Variants in UCHL5 observed in about 807,000 individuals in gnomAD.
The protein encoded by UCHL5 is ubiquitin carboxyl-terminal hydrolase isozyme L5.
A neutral mutation model predicts 53.8 loss-of-function variants in UCHL5; 34 were observed. That is an observed-to-expected ratio of 0.63 (90% CI 0.48 to 0.84). UCHL5 has a LOEUF of 0.84. Among genes scored for constraint, UCHL5 ranks in the 40% least tolerant of loss-of-function variants. The pLI, the probability that UCHL5 is intolerant of heterozygous loss-of-function variation, is 0.00. For synonymous variants in UCHL5, 111 were observed against 126.3 expected, an observed-to-expected ratio of 0.88 and a Z score of 0.81; for missense variants, 290 against 385.6, an observed-to-expected ratio of 0.75 and a Z score of 2.08.
rs1665882348 is a variant in UCHL5, at chr1:193,042,363, T to C, written c.246+7383A>G. 2.6e-5 allele frequency among the ~76,000 whole-genome samples: 4 copies of C among 152,290 alleles called. No individual in the cohort carries two copies. In the South Asian group the frequency reaches 8.3e-4, roughly 32 times the overall value. ...GGTAAGTTCTTAGGCACTTACTTTG[T>C]TTCTTAAAATAATCAAATAAATAAA... On this transcript the variant is annotated intron_variant, in intron 3 of 10. Transcript: ENST00000367454.
chr1:193,054,854 G>A (rs1334908658), intron 1 of UCHL5, among the ~76,000 whole-genome samples: 1 of 152,118 alleles, frequency 6.6e-6, no homozygotes, highest in Non-Finnish European at 1.5e-5. Context: ...ATAGATGATG[G>A]AATTACTCTT....
chr1:193,016,020 T>G lies in UCHL5; in HGVS notation c.*331A>C, dbSNP rs1654843115. ...AGATCTGACAATTGCAAATTTTAAG[T>G]ATTTAAATTACAGATAAGGAATATC... On this transcript the variant is annotated 3_prime_UTR_variant, in exon 11 of 11. Transcript: ENST00000367454. The G allele has an allele frequency of 4.4e-6, 1 of 227,980 alleles. No homozygotes were observed. The highest frequency in any genetic ancestry group is 8.5e-6 in the Non-Finnish European group (1 of 117,722). 14.1% of individuals were successfully genotyped at this position (227,980 alleles called of 1,614,324 possible).
upstream of UCHL5, chr1:193,059,991 C>G (rs1370216387): frequency 8.8e-6 from 12 of 1,365,976 alleles, no homozygotes; most frequent in Non-Finnish European, 1.2e-5. This position sits in a 1 kb window ranked among gnomAD's most constrained non-coding sequence, Gnocchi z 4.9. Flanking sequence ...TAGGCCCGGC[C>G]GGACCATTCC....
chr1:193,031,973 G>T (rs1422727735), intron 3 of UCHL5, among the ~76,000 whole-genome samples: 1 of 152,164 alleles, frequency 6.6e-6, no homozygotes, highest in Non-Finnish European at 1.5e-5. Flanking sequence ...AATGAGGCTA[G>T]AGCAGAGGGT....
chr1:193,057,773 C>T (rs1671124544), intron 1 of UCHL5, among the ~76,000 whole-genome samples: 1 of 152,210 alleles, frequency 6.6e-6, no homozygotes, highest in South Asian at 2.1e-4. Flanking sequence ...AACCCATATA[C>T]TTTAACATCA....
At chr1:193,033,842 A>G (rs1343108771) in intron 3 of UCHL5, among the ~76,000 whole-genome samples, 1 of 152,198 alleles carries the variant, frequency 6.6e-6, no homozygotes, top group East Asian at 1.9e-4. Context: ...AAAGCTTGGT[A>G]GGAACTAGAG....
Position 193,016,415 on chromosome 1 carries a change from T to C in UCHL5, c.943-20A>G, listed in dbSNP as rs766526270. The C allele has an allele frequency of 1.9e-6, 3 of 1,598,126 alleles. No homozygotes were observed. Among genetic ancestry groups the C allele is most frequent in the Non-Finnish European group, 2.6e-6 (3 of 1,174,420 alleles). On this transcript the variant is annotated intron_variant, in intron 10 of 10. Transcript: ENST00000367454. Reference sequence around the variant, plus strand: ...TTTTGCCTAAAAATTAAAAATAGTATGTTACAAAATTTTAAAAGTCAGTTT... The same window carrying C: ...TTTTGCCTAAAAATTAAAAATAGTACGTTACAAAATTTTAAAAGTCAGTTT...
At chr1:193,046,800 G>A (rs540866163) in intron 3 of UCHL5, among the ~76,000 whole-genome samples, 5 of 150,472 alleles carry the variant, frequency 3.3e-5, no homozygotes, top group African/African-American at 9.7e-5. Flanking sequence ...TTTATTATGT[G>A]TTGTGAAATG....
chr1:193,046,226 G>A (rs571049839), intron 3 of UCHL5, among the ~76,000 whole-genome samples: 72 of 151,444 alleles, frequency 4.8e-4, no homozygotes, highest in Admixed American at 1.5e-3. Context: ...AGACAGGGTC[G>A]CCCTATATCG....
chr1:193,045,862 A>G (rs906984587), intron 3 of UCHL5, among the ~76,000 whole-genome samples: 1 of 152,236 alleles, frequency 6.6e-6, no homozygotes, highest in Non-Finnish European at 1.5e-5. Flanking sequence ...AAATAAAAAC[A>G]TTTTTAAAAA....
intron 10 of UCHL5, 29 bp from the exon 11 acceptor site, chr1:193,016,424 AT>A (rs1654920910): frequency 1.9e-6 from 3 of 1,592,792 alleles, no homozygotes; most frequent in African/African-American, 2.7e-5. Flanking sequence ...ATGTTACAAA[AT>A]TTTAAAAGTC....
rs1054050599 is a variant in UCHL5 at position 193,043,154 on chromosome 1, A to T, written c.246+6592T>A. On this transcript the variant is annotated intron_variant, in intron 3 of 10. Coordinates refer to ENST00000367454, the MANE Select transcript of UCHL5 (RefSeq NM_001199261.3). ...AGCCTTGACAGCTCTTGAATATTAA[A>T]AAAAAAAAAAAAAAAAAAAAAACCA... is the stretch of plus-strand genomic sequence containing the variant. 1.4e-3 allele frequency among the ~76,000 whole-genome samples: 174 copies of T among 126,902 alleles called. 3 individuals are homozygous for T. Among genetic ancestry groups the T allele is most frequent in the East Asian group, 7.5e-3 (37 of 4,908 alleles). 83.3% of individuals were successfully genotyped at this position (126,902 alleles called of 152,430 possible).
At chr1:193,051,223 G>A (rs1245804583) in intron 2 of UCHL5, among the ~76,000 whole-genome samples, 2 of 152,090 alleles carry the variant, frequency 1.3e-5, no homozygotes, top group Non-Finnish European at 1.5e-5. Context: ...GGTAGTCAGG[G>A]GTAAGGAGAA....
intron 6 of UCHL5, among the ~76,000 whole-genome samples, chr1:193,028,484 A>C (rs1350531449): frequency 1.3e-5 from 2 of 152,184 alleles, no homozygotes; most frequent in Non-Finnish European, 2.9e-5. Flanking sequence ...ATAGCCTATA[A>C]CATTAGATTC....
At position 193,047,221 on chromosome 1, in the gene UCHL5, A is replaced by G. The variant is rs528845307; in HGVS notation, c.246+2525T>C. On this transcript the variant is annotated intron_variant, in intron 3 of 10. Transcript: ENST00000367454. ...TCTTGTTAACCATTATATATGTAGTATCTAAAACAATGCCTAGCAAAGTAG... is the reference window on the plus strand; with the variant it reads ...TCTTGTTAACCATTATATATGTAGTGTCTAAAACAATGCCTAGCAAAGTAG... 2.0e-5 allele frequency among the ~76,000 whole-genome samples: 3 copies of G among 152,302 alleles called. No individual in the cohort carries two copies. The East Asian group carries it at 5.8e-4, about 29-fold the overall frequency.
intron 3 of UCHL5, among the ~76,000 whole-genome samples, chr1:193,043,641 TGG>T (rs34167679): frequency 6.6e-6 from 1 of 151,562 alleles, no homozygotes; most frequent in South Asian, 2.1e-4. Flanking sequence ...TGACTTAGGG[TGG>T]GGGTATTGGG....
upstream of UCHL5, chr1:193,059,768 C>T: frequency 3.7e-6 from 5 of 1,356,352 alleles, no homozygotes; most frequent in Non-Finnish European, 4.9e-6. This position sits in a 1 kb window ranked among gnomAD's most constrained non-coding sequence, Gnocchi z 4.9. Flanking sequence ...GGTCGGCTGC[C>T]AGGTACAGGT....
At chr1:193,039,891 T>C (rs1473218385) in intron 3 of UCHL5, among the ~76,000 whole-genome samples, 3 of 152,052 alleles carry the variant, frequency 2.0e-5, no homozygotes, top group African/African-American at 7.2e-5. Flanking sequence ...GAATATACAA[T>C]AGAGAAAGGG....
At chr1:193,025,299 G>C (rs778543194) in intron 7 of UCHL5, among the ~76,000 whole-genome samples, 2 of 152,198 alleles carry the variant, frequency 1.3e-5, no homozygotes, top group Non-Finnish European at 2.9e-5. Flanking sequence ...AGTAAAAGCA[G>C]AATAGAGAGC....
Sources: gnomAD v4.1 joint callset for allele counts (sites outside exome capture counted in the v4.1 genomes callset) on GRCh38, gnomAD v4.1.1 for gene constraint, Gnocchi (gnomAD v3.1) non-coding constraint, MANE v1.5 for transcripts, NCBI Gene and HGNC (gene_info 2026-07-23, HGNC 2026-07-21) for gene names.